Variants in SLCO3A1 observed in about 807,000 individuals in gnomAD.
SLCO3A1 encodes solute carrier organic anion transporter family member 3A1, also known as PGE1 transporter.
SLCO3A1 carries 27 observed loss-of-function variants against 63.1 expected under a neutral mutation model. The ratio of observed to expected loss-of-function variants is 0.43; its 90% CI spans 0.32 to 0.59. The LOEUF is 0.59. Among genes scored for constraint, SLCO3A1 ranks in the 20% least tolerant of loss-of-function variants. SLCO3A1 has a pLI of 0.09. For missense variants in SLCO3A1, 773 were observed against 945.8 expected, an observed-to-expected ratio of 0.82 and a Z score of 2.40; for synonymous variants, 473 against 409.9, an observed-to-expected ratio of 1.15 and a Z score of -1.86.
At chr15:92,113,821 C>T (rs533764867) in intron 4 of SLCO3A1, among the ~76,000 whole-genome samples, 7 of 152,324 alleles carry the variant, frequency 4.6e-5, no homozygotes, top group South Asian at 2.1e-4. Flanking sequence ...CCTCCAGAAT[C>T]GACAGTGTAA....
intron 1 of SLCO3A1, among the ~76,000 whole-genome samples, chr15:91,901,024 T>C (rs921301729): frequency 6.6e-6 from 1 of 152,226 alleles, no homozygotes; most frequent in Non-Finnish European, 1.5e-5. Flanking sequence ...TGTAGTTGCA[T>C]TTACACCTGC....
chr15:91,898,939 A>G (rs1898079884), intron 1 of SLCO3A1, among the ~76,000 whole-genome samples: 1 of 152,198 alleles, frequency 6.6e-6, no homozygotes, highest in African/African-American at 2.4e-5. Context: ...GTCACAACAA[A>G]TAATGCGTAA....
At chr15:92,152,691 C>CACATTG (rs1205382438) in intron 9 of SLCO3A1, among the ~76,000 whole-genome samples, 3 of 152,198 alleles carry the variant, frequency 2.0e-5, no homozygotes, top group African/African-American at 7.2e-5. Flanking sequence ...TATTAACTGG[C>CACATTG]ACATTGACAC....
chr15:91,896,223 A>G (rs563481706), intron 1 of SLCO3A1, among the ~76,000 whole-genome samples: 2 of 152,318 alleles, frequency 1.3e-5, no homozygotes, highest in Admixed American at 1.3e-4. Context: ...TCCCGGCATA[A>G]GCATATGCAC....
chr15:91,984,196 C>G (rs2046022104), intron 2 of SLCO3A1, among the ~76,000 whole-genome samples: 1 of 152,156 alleles, frequency 6.6e-6, no homozygotes, highest in African/African-American at 2.4e-5. Flanking sequence ...TCTTTGTTGG[C>G]CTTTTCCAGG....
chr15:91,877,413 C>G (rs1452591092), intron 1 of SLCO3A1, among the ~76,000 whole-genome samples: 1 of 152,182 alleles, frequency 6.6e-6, no homozygotes, highest in Non-Finnish European at 1.5e-5. Context: ...AGGCACTCTT[C>G]TAGATACTGG....
chr15:92,086,067 T>C (rs2047400645), intron 2 of SLCO3A1, among the ~76,000 whole-genome samples: 2 of 152,226 alleles, frequency 1.3e-5, no homozygotes, highest in Admixed American at 6.5e-5. Context: ...TTGGGAAATC[T>C]TACAAACAAT....
chr15:91,917,255 C>T (rs1898692941), intron 2 of SLCO3A1, among the ~76,000 whole-genome samples: 1 of 152,142 alleles, frequency 6.6e-6, no homozygotes, highest in African/African-American at 2.4e-5. Context: ...TTCTGACATC[C>T]CCAGTCACTG....
Position 91,871,454 on chromosome 15 carries a change from C to T in SLCO3A1, c.180+17366C>T, listed in dbSNP as rs9806305. Among the ~76,000 whole-genome samples the T allele has an allele frequency of 5.9e-3, 894 of 152,282 alleles. 6 individuals carry two copies. The highest frequency in any genetic ancestry group is 0.019 in the African/African-American group (796 of 41,546). ...TTTCACGTTGGACTCCCAGAGTCTT[C>T]ATTCCTTGCAGCAGAGATGATCAAC... On this transcript the variant is annotated intron_variant, in intron 1 of 9. Transcript: ENST00000318445.
intron 2 of SLCO3A1, among the ~76,000 whole-genome samples, chr15:92,017,166 C>T (rs1453719133): frequency 6.6e-6 from 1 of 152,156 alleles, no homozygotes; most frequent in Non-Finnish European, 1.5e-5. Flanking sequence ...TTAGCAGCTT[C>T]AGCTGCTGCA....
chr15:92,165,865 T>C lies in SLCO3A1; in HGVS notation c.*2730T>C. On this transcript the variant is annotated 3_prime_UTR_variant, in exon 10 of 10. Transcript: ENST00000318445. ...TGGTAAGATCATTGGATTTACAGAA[T>C]ACAAAAATGTACGGGATGGAATAAA... The C allele has an allele frequency of 1.0e-6, 1 of 985,316 alleles. No individual in the cohort carries two copies. Among genetic ancestry groups the C allele is most frequent in the African/African-American group, 1.7e-5 (1 of 57,344 alleles). 61.0% of individuals were successfully genotyped at this position (985,316 alleles called of 1,614,324 possible). A position where few individuals can be genotyped will look rare whatever the true frequency, so the allele number is the denominator to read the frequency against.
At chr15:92,099,920 G>T (rs2047584101) in intron 3 of SLCO3A1, among the ~76,000 whole-genome samples, 1 of 151,998 alleles carries the variant, frequency 6.6e-6, no homozygotes, top group Non-Finnish European at 1.5e-5. Context: ...AAAAAAATTA[G>T]CCGGGCGTGT....
At chr15:92,069,133 A>G (rs1339815159) in intron 2 of SLCO3A1, among the ~76,000 whole-genome samples, 1 of 107,342 alleles carries the variant, frequency 9.3e-6, no homozygotes, top group African/African-American at 3.7e-5. Context: ...CCCAGGGGAC[A>G]TTTGCCAATA....
At chr15:92,037,327 C>T (rs899873726) in intron 2 of SLCO3A1, among the ~76,000 whole-genome samples, 1 of 152,234 alleles carries the variant, frequency 6.6e-6, no homozygotes, top group Non-Finnish European at 1.5e-5. Flanking sequence ...CTCCAAACAG[C>T]TCTCTCTGTA....
chr15:91,966,608 T>C (rs1900670693), intron 2 of SLCO3A1, among the ~76,000 whole-genome samples: 1 of 152,210 alleles, frequency 6.6e-6, no homozygotes, highest in South Asian at 2.1e-4. Flanking sequence ...ACTCAAGTTT[T>C]CATTAAAGCA....
intron 2 of SLCO3A1, among the ~76,000 whole-genome samples, chr15:92,009,086 T>C (rs997971829): frequency 2.0e-5 from 3 of 152,204 alleles, no homozygotes; most frequent in Non-Finnish European, 4.4e-5. Context: ...TCTGTGCCAA[T>C]GTGTTTTTCT....
intron 1 of SLCO3A1, among the ~76,000 whole-genome samples, chr15:91,914,435 C>T (rs1296412538): frequency 3.9e-5 from 6 of 152,240 alleles, no homozygotes; most frequent in Admixed American, 3.3e-4. Context: ...AACAGGGGTT[C>T]AAACCAGGTT....
At position 91,962,522 on chromosome 15, in the gene SLCO3A1, C is replaced by T. The variant is rs561126244; in HGVS notation, c.646+46064C>T. 1.4e-4 allele frequency among the ~76,000 whole-genome samples: 21 copies of T among 149,986 alleles called. No homozygotes were observed. The South Asian group carries it at 4.0e-3, about 29-fold the overall frequency. On this transcript the variant is annotated intron_variant, in intron 2 of 9. Transcript: ENST00000318445. ...AAAAAGAGCAAGGATTTCCTGTGGCCTGAGAAAGAAAACAGGAAACAACTG... is the reference window on the plus strand; with the variant it reads ...AAAAAGAGCAAGGATTTCCTGTGGCTTGAGAAAGAAAACAGGAAACAACTG...
chr15:92,147,240 A>G, intron 8 of SLCO3A1, 81 bp downstream of exon 8: 1 of 1,392,510 alleles, frequency 7.2e-7, no homozygotes. Context: ...AGAGCTTCAG[A>G]CAACAGGAAT....
Sources: gnomAD v4.1 joint callset for allele counts (sites outside exome capture counted in the v4.1 genomes callset) on GRCh38, gnomAD v4.1.1 for gene constraint, MANE v1.5 for transcripts, NCBI Gene and HGNC (gene_info 2026-07-23, HGNC 2026-07-21) for gene names.